Variants in DLGAP2 observed in about 807,000 individuals in gnomAD.
DLGAP2 encodes the protein disks large-associated protein 2.
A neutral mutation model predicts 100.3 loss-of-function variants in DLGAP2; 26 were observed. That is an observed-to-expected ratio of 0.26 (90% confidence interval 0.19 to 0.36). The LOEUF (loss-of-function observed/expected upper bound fraction) is 0.36. Among genes scored for constraint, DLGAP2 ranks in the 10% least tolerant of loss-of-function variants. The pLI is 1.00. For synonymous variants in DLGAP2, 886 were observed against 630.1 expected, an observed-to-expected ratio of 1.41 and a Z score of -6.08; for missense variants, 1,858 against 1,453.2, an observed-to-expected ratio of 1.28 and a Z score of -4.53.
chr8:1,298,448 G>C (rs1415000226), intron 3 of DLGAP2, among the ~76,000 whole-genome samples: 1 of 152,170 alleles, frequency 6.6e-6, no homozygotes, highest in Non-Finnish European at 1.5e-5. Context: ...TCTGTACTGG[G>C]GTATAAATAC....
chr8:1,667,949 G>A lies in DLGAP2; in HGVS notation c.1811-380G>A, dbSNP rs181830226. Among the ~76,000 whole-genome samples, 261 of 152,068 alleles carry A rather than the reference G, an allele frequency of 1.7e-3. 1 individual carries two copies. The highest frequency in any genetic ancestry group is 2.2e-3 in the Non-Finnish European group (151 of 67,984). Reference sequence around the variant, plus strand: ...CACCTTGCCTAGGTGTGTCTCCGCTGCTGGATTTGTTGGTATTTTTAAATG... The same window carrying A: ...CACCTTGCCTAGGTGTGTCTCCGCTACTGGATTTGTTGGTATTTTTAAATG... On this transcript the variant is annotated intron_variant, in intron 8 of 14. Transcript: ENST00000637795.
At chr8:1,415,741 T>G (rs1796865749) in intron 3 of DLGAP2, among the ~76,000 whole-genome samples, 1 of 152,226 alleles carries the variant, frequency 6.6e-6, no homozygotes, top group South Asian at 2.1e-4. Flanking sequence ...CTTCCATGTT[T>G]TTGCTATTGC....
At chr8:1,546,315 C>T (rs563924288) in intron 4 of DLGAP2, among the ~76,000 whole-genome samples, 1 of 152,296 alleles carries the variant, frequency 6.6e-6, no homozygotes, top group Non-Finnish European at 1.5e-5. Flanking sequence ...CCTTTGCTGG[C>T]CTCAGTGGGA....
At chr8:745,305 G>C (rs1253575543) in intron 1 of DLGAP2, among the ~76,000 whole-genome samples, 4 of 152,166 alleles carry the variant, frequency 2.6e-5, no homozygotes, top group Admixed American at 6.5e-5. Flanking sequence ...AAACAATTGA[G>C]AATTGTAGTT....
intron 1 of DLGAP2, among the ~76,000 whole-genome samples, chr8:787,123 A>T (rs763359928): frequency 3.2e-4 from 49 of 152,118 alleles, no homozygotes; most frequent in Non-Finnish European, 8.8e-5. Flanking sequence ...ATTTTCCTTC[A>T]CTTAGCAAAC....
intron 3 of DLGAP2, among the ~76,000 whole-genome samples, chr8:1,442,089 C>T (rs1417181607): frequency 2.0e-5 from 3 of 152,232 alleles, no homozygotes; most frequent in Admixed American, 6.5e-5. Flanking sequence ...ACAGAGTGAG[C>T]ATGTGTCTCC....
In DLGAP2 at chr8:1,703,145, C is replaced by T. The variant is rs1226303870; in HGVS notation, c.*1739C>T. The T allele has an allele frequency of 3.3e-5, 5 of 152,580 alleles. No homozygotes were observed. The highest frequency in any genetic ancestry group is 5.9e-5 in the Non-Finnish European group (4 of 68,032). The allele number at this position is 152,580 out of a possible 1,614,324, so 9.5% of individuals were successfully genotyped here. On this transcript the variant is annotated 3_prime_UTR_variant, in exon 15 of 15. Transcript: ENST00000637795. ...GCTGATATTAAAGCATGTTTAGCTT[C>T]GAAGTTTTACTTTTTTAAAGCTGAG...
At chr8:962,075 G>A (rs537137473) in intron 2 of DLGAP2, among the ~76,000 whole-genome samples, 1 of 152,342 alleles carries the variant, frequency 6.6e-6, no homozygotes, top group South Asian at 2.1e-4. Flanking sequence ...TCTAAGCTTA[G>A]CATTTGTAAA....
At chr8:1,627,975 T>C (rs1375649646) in intron 7 of DLGAP2, among the ~76,000 whole-genome samples, 2 of 141,856 alleles carry the variant, frequency 1.4e-5, no homozygotes, top group African/African-American at 5.7e-5. Flanking sequence ...TCTCTCTGAC[T>C]TACTGTGGAG....
chr8:1,509,303 C>G (rs1209880546), intron 4 of DLGAP2, among the ~76,000 whole-genome samples: 2 of 148,126 alleles, frequency 1.4e-5, no homozygotes, highest in African/African-American at 5.0e-5. Context: ...TGTGCTCCGG[C>G]CTGGCAACAG....
At chr8:766,400 A>T (rs950044249) in intron 1 of DLGAP2, among the ~76,000 whole-genome samples, 1 of 152,188 alleles carries the variant, frequency 6.6e-6, no homozygotes, top group Non-Finnish European at 1.5e-5. Context: ...TCCTTCCTCT[A>T]TGTGAGCTGC....
At chr8:1,294,594 G>T (rs1405392823) in intron 3 of DLGAP2, among the ~76,000 whole-genome samples, 3 of 152,250 alleles carry the variant, frequency 2.0e-5, no homozygotes, top group African/African-American at 4.8e-5. Context: ...GGTCAATGTC[G>T]AATTGGAATT....
intron 3 of DLGAP2, among the ~76,000 whole-genome samples, chr8:1,292,108 C>T (rs954287261): frequency 1.3e-5 from 2 of 152,178 alleles, no homozygotes; most frequent in African/African-American, 4.8e-5. Flanking sequence ...GTCAGCTAAG[C>T]CTGTGTTATT....
intron 2 of DLGAP2, among the ~76,000 whole-genome samples, chr8:1,224,210 T>G (rs982388450): frequency 1.5e-4 from 23 of 152,184 alleles, no homozygotes; most frequent in African/African-American, 5.3e-4. Context: ...TATTTTAGCA[T>G]TTACCTGGCA....
At chr8:1,240,026 T>G (rs62487807) in intron 2 of DLGAP2, among the ~76,000 whole-genome samples, 14,118 of 136,080 alleles carry the variant, frequency 0.1, 29 homozygotes, top group South Asian at 0.15. Flanking sequence ...TTCTCTCACA[T>G]GGCGCCGTGT....
At chr8:1,575,590 A>G (rs890547465) in intron 6 of DLGAP2, among the ~76,000 whole-genome samples, 14 of 147,580 alleles carry the variant, frequency 9.5e-5, no homozygotes, top group East Asian at 4.2e-4. Flanking sequence ...TTTACATTAG[A>G]TATATCTCCT....
intron 1 of DLGAP2, among the ~76,000 whole-genome samples, chr8:822,934 C>T (rs542612163): frequency 1.3e-5 from 2 of 152,262 alleles, no homozygotes; most frequent in South Asian, 4.1e-4. Flanking sequence ...GCCCCAGTGC[C>T]AGTGGGTGAA....
chr8:777,004 T>C (rs1392646446), intron 1 of DLGAP2, among the ~76,000 whole-genome samples: 2 of 152,116 alleles, frequency 1.3e-5, no homozygotes, highest in Non-Finnish European at 2.9e-5. Context: ...TGTAGGTCAC[T>C]CAGGACTTGC....
At chr8:1,428,577 T>C (rs1360248369) in intron 3 of DLGAP2, among the ~76,000 whole-genome samples, 1 of 152,222 alleles carries the variant, frequency 6.6e-6, no homozygotes, top group Non-Finnish European at 1.5e-5. Context: ...TGGGAACAGA[T>C]GGAAAATATT....
Sources: allele counts gnomAD v4.1 joint callset (sites outside exome capture counted in the v4.1 genomes callset), GRCh38; gene constraint gnomAD v4.1.1; transcripts MANE v1.5; gene names NCBI Gene and HGNC (gene_info 2026-07-23, HGNC 2026-07-21).